The following KCNQ1OT1 variants were observed in gnomAD, a reference collection of about 807,000 sequenced individuals.
KCNQ1OT1 encodes KCNQ1 antisense RNA 2 (non-protein coding).
rs527909742 is a variant in KCNQ1OT1 at position 2,679,841 on chromosome 11, T to C, written n.20154A>G. 4.3e-5 allele frequency: 17 copies of C among 398,620 alleles called. No individual in the cohort carries two copies. The Admixed American group carries it at 5.7e-4, about 13-fold the overall frequency. The allele number at this position is 398,620 out of a possible 1,614,324, so 24.7% of individuals were successfully genotyped here. On this transcript the variant is annotated non_coding_transcript_exon_variant, in exon 1 of 1. Transcript: ENST00000597346. The surrounding 1 kb of genome is among the most constrained non-coding windows in gnomAD (Gnocchi z 4.8). ...AGACTGCTGCTACTTCTGAATTTTA[T>C]AGGACATGCATTTTTTTCATATAAA...
Position 2,671,416 on chromosome 11 carries a change from C to T in KCNQ1OT1, n.28579G>A. The T allele has an allele frequency of 2.5e-6, 1 of 398,618 alleles. No individual in the cohort carries two copies. Among genetic ancestry groups the T allele is most frequent in the Non-Finnish European group, 4.4e-6 (1 of 226,070 alleles). 24.7% of individuals were successfully genotyped at this position (398,618 alleles called of 1,614,324 possible). On this transcript the variant is annotated non_coding_transcript_exon_variant, in exon 1 of 1. Transcript: ENST00000597346. The surrounding 1 kb of genome is among the most constrained non-coding windows in gnomAD (Gnocchi z 4.7). ...CCTCTCCCAGGGTACTCTGGATGTGCACCCAGAGATTCTCCCACTTTAGCA... is the reference window on the plus strand; with the variant it reads ...CCTCTCCCAGGGTACTCTGGATGTGTACCCAGAGATTCTCCCACTTTAGCA...
exon 1 of KCNQ1OT1, chr11:2,660,658 CA>C (rs1370882394): frequency 2.5e-6 from 1 of 398,490 alleles, no homozygotes; most frequent in Non-Finnish European, 4.4e-6. Flanking sequence ...AGCAATGCCT[CA>C]GTTTTCATCC....
chr11:2,643,509 CTT>C (rs911843843), exon 1 of KCNQ1OT1: 3 of 398,316 alleles, frequency 7.5e-6, no homozygotes, highest in African/African-American at 6.2e-5. Flanking sequence ...CATGTAATAT[CTT>C]TTCCCATTCC....
At position 2,653,790 on chromosome 11, in the gene KCNQ1OT1, T is replaced by A; in HGVS notation, n.46205A>T. The A allele has an allele frequency of 2.5e-6, 1 of 398,646 alleles. No individual in the cohort carries two copies. Among genetic ancestry groups the A allele is most frequent in the Non-Finnish European group, 4.4e-6 (1 of 226,078 alleles). The allele number at this position is 398,646 out of a possible 1,614,324, so 24.7% of individuals were successfully genotyped here. A position where few individuals can be genotyped will look rare whatever the true frequency, so the allele number is the denominator to read the frequency against. On this transcript the variant is annotated non_coding_transcript_exon_variant, in exon 1 of 1. Transcript: ENST00000597346. The surrounding 1 kb of genome is among the most constrained non-coding windows in gnomAD (Gnocchi z 5.3). ...TACAAGCCATCCTTGGACCTGCAGCTGTACCTCCGATGGCTGAGGCAAGGT... is the reference window on the plus strand; with the variant it reads ...TACAAGCCATCCTTGGACCTGCAGCAGTACCTCCGATGGCTGAGGCAAGGT...
exon 1 of KCNQ1OT1, chr11:2,633,125 A>G (rs1054118743): frequency 3.0e-5 from 12 of 398,346 alleles, no homozygotes; most frequent in African/African-American, 2.5e-4. Context: ...AGGTGAAATA[A>G]TGTCTCACTG....
At chr11:2,680,206 TAAAAAA>T (rs139249507) in exon 1 of KCNQ1OT1, 5 of 362,324 alleles carry the variant, frequency 1.4e-5, no homozygotes, top group African/African-American at 4.9e-5. Flanking sequence ...CTTGCCTAAT[TAAAAAA>T]AAAAAAAAAA....
chr11:2,680,996 G>C, exon 1 of KCNQ1OT1: 1 of 398,478 alleles, frequency 2.5e-6, no homozygotes, highest in Non-Finnish European at 4.4e-6. Context: ...GGTGAAATAG[G>C]TATGTGTTCT....
exon 1 of KCNQ1OT1, chr11:2,689,997 A>G (rs1850562355): frequency 5.0e-6 from 2 of 398,690 alleles, no homozygotes; most frequent in Admixed American, 4.4e-5. Flanking sequence ...GCCCAAGCAG[A>G]GAACTGTTGA....
chr11:2,661,544 C>CT lies in KCNQ1OT1; in HGVS notation n.38450dup. 1 of 504,598 alleles carries CT rather than the reference C, an allele frequency of 2.0e-6. No individual in the cohort carries two copies. Among genetic ancestry groups the CT allele is most frequent in the Non-Finnish European group, 3.5e-6 (1 of 286,622 alleles). 31.3% of individuals were successfully genotyped at this position (504,598 alleles called of 1,614,324 possible). ...ACCCCATCTTTCCTGACCCACTACT[C>CT]TGTCAATGTATGAGTGTGACAATGT... On this transcript the variant is annotated non_coding_transcript_exon_variant, in exon 1 of 1. Transcript: ENST00000597346. The surrounding 1 kb of genome is among the most constrained non-coding windows in gnomAD (Gnocchi z 5.9).
chr11:2,612,220 G>T lies in KCNQ1OT1; in HGVS notation n.87775C>A. ...ACTGCCTGAGCTCTGCCTCCTGTCT[G>T]ATCAGTGATGGCATTAGATTCTCAC... On this transcript the variant is annotated non_coding_transcript_exon_variant, in exon 1 of 1. Coordinates refer to ENST00000597346, the Ensembl canonical transcript of KCNQ1OT1. This position sits in a 1 kb window ranked among gnomAD's most constrained non-coding sequence, Gnocchi z 5.5. 2.5e-6 allele frequency: 1 copy of T among 398,606 alleles called. No individual in the cohort carries two copies. Among genetic ancestry groups the T allele is most frequent in the South Asian group, 1.3e-4 (1 of 7,824 alleles). The allele number at this position is 398,606 out of a possible 1,614,324, so 24.7% of individuals were successfully genotyped here.
In KCNQ1OT1 at chr11:2,654,020, C is replaced by T. The variant is rs1849798020; in HGVS notation, n.45975G>A. 5.0e-6 allele frequency: 2 copies of T among 398,600 alleles called. No individual in the cohort carries two copies. The highest frequency in any genetic ancestry group is 1.3e-4 in the South Asian group (1 of 7,866). 24.7% of individuals were successfully genotyped at this position (398,600 alleles called of 1,614,324 possible). ...TGCCAGCTGTGAATATACATTTTCA[C>T]TCCATTCCTCGCCTTGTTCCTGGCA... On this transcript the variant is annotated non_coding_transcript_exon_variant, in exon 1 of 1. Coordinates refer to ENST00000597346, the Ensembl canonical transcript of KCNQ1OT1. This position sits in a 1 kb window ranked among gnomAD's most constrained non-coding sequence, Gnocchi z 6.4.
In KCNQ1OT1 at chr11:2,670,939, A is replaced by G. The variant is rs1850172157; in HGVS notation, n.29056T>C. 1.8e-5 allele frequency: 7 copies of G among 398,554 alleles called. No individual in the cohort carries two copies. Among genetic ancestry groups the G allele is most frequent in the Non-Finnish European group, 3.1e-5 (7 of 226,110 alleles). The allele number at this position is 398,554 out of a possible 1,614,324, so 24.7% of individuals were successfully genotyped here. On this transcript the variant is annotated non_coding_transcript_exon_variant, in exon 1 of 1. Coordinates refer to ENST00000597346, the Ensembl canonical transcript of KCNQ1OT1. This position sits in a 1 kb window ranked among gnomAD's most constrained non-coding sequence, Gnocchi z 4.9. ...TCCCAGGATGCAAATTGGCAGGCCCAGCTTCATGCCTTCTTATGGTGCCCC... is the reference window on the plus strand; with the variant it reads ...TCCCAGGATGCAAATTGGCAGGCCCGGCTTCATGCCTTCTTATGGTGCCCC...
Position 2,659,319 on chromosome 11 carries a change from T to C in KCNQ1OT1, n.40676A>G, listed in dbSNP as rs1196463173. Reference sequence around the variant, plus strand: ...TCTGTTTTATGTCCCTGTAGTTTTGTTTTTCTAGAATGTCCTATAAATGGG... The same window carrying C: ...TCTGTTTTATGTCCCTGTAGTTTTGCTTTTCTAGAATGTCCTATAAATGGG... On this transcript the variant is annotated non_coding_transcript_exon_variant, in exon 1 of 1. Transcript: ENST00000597346. This position sits in a 1 kb window ranked among gnomAD's most constrained non-coding sequence, Gnocchi z 4.3. 2.5e-6 allele frequency: 1 copy of C among 398,514 alleles called. No individual in the cohort carries two copies. The highest frequency in any genetic ancestry group is 4.4e-5 in the Admixed American group (1 of 22,720). 24.7% of individuals were successfully genotyped at this position (398,514 alleles called of 1,614,324 possible).
In KCNQ1OT1 at chr11:2,608,638, A is replaced by C. The variant is rs554441988; in HGVS notation, n.91357T>G. 1 of 398,526 alleles carries C rather than the reference A, an allele frequency of 2.5e-6. No homozygotes were observed. The highest frequency in any genetic ancestry group is 3.6e-5 in the East Asian group (1 of 28,068). 24.7% of individuals were successfully genotyped at this position (398,526 alleles called of 1,614,324 possible). Reference sequence around the variant, plus strand: ...CACAACACCAGCTGTTATTCAAAAAATATTTTGTAGAGATAGGGTCTTGCT... The same window carrying C: ...CACAACACCAGCTGTTATTCAAAAACTATTTTGTAGAGATAGGGTCTTGCT... On this transcript the variant is annotated non_coding_transcript_exon_variant, in exon 1 of 1. Transcript: ENST00000597346. The surrounding 1 kb of genome is among the most constrained non-coding windows in gnomAD (Gnocchi z 4.6).
exon 1 of KCNQ1OT1, chr11:2,615,390 T>A (rs1425210738): frequency 2.5e-6 from 1 of 397,954 alleles, no homozygotes; most frequent in African/African-American, 2.1e-5. Flanking sequence ...CATTTACCTG[T>A]TTGTTTATTT....
rs191925264 is a variant in KCNQ1OT1 at position 2,625,752 on chromosome 11, G to A, written n.74243C>T. 2.8e-5 allele frequency: 11 copies of A among 397,648 alleles called. No individual in the cohort carries two copies. In the Admixed American group the frequency reaches 4.8e-4, roughly 18 times the overall value. 24.6% of individuals were successfully genotyped at this position (397,648 alleles called of 1,614,324 possible). On this transcript the variant is annotated non_coding_transcript_exon_variant, in exon 1 of 1. Transcript: ENST00000597346. ...GCCTGGCTAATTTTTTGTATTTTTA[G>A]TAGAGACGGGGTTTCACCCTGTTAG...
rs1290991770 is a variant in KCNQ1OT1, at chr11:2,626,513, T to A, written n.73482A>T. 2 of 398,532 alleles carry A rather than the reference T, an allele frequency of 5.0e-6. No individual in the cohort carries two copies. Among genetic ancestry groups the A allele is most frequent in the African/African-American group, 4.1e-5 (2 of 48,620 alleles). The allele number at this position is 398,532 out of a possible 1,614,324, so 24.7% of individuals were successfully genotyped here. A position where few individuals can be genotyped will look rare whatever the true frequency, so the allele number is the denominator to read the frequency against. On this transcript the variant is annotated non_coding_transcript_exon_variant, in exon 1 of 1. Coordinates refer to ENST00000597346, the Ensembl canonical transcript of KCNQ1OT1. This position sits in a 1 kb window ranked among gnomAD's most constrained non-coding sequence, Gnocchi z 4.0. The stretch of plus-strand genomic sequence containing the variant: ...CAATACCACATAGTTTTGATTACTG[T>A]AGCTTCGTAATAAGTTGGGGTTTTT...
chr11:2,651,511 G>A lies in KCNQ1OT1; in HGVS notation n.48484C>T, dbSNP rs1157164504. 2.5e-5 allele frequency: 10 copies of A among 398,574 alleles called. No homozygotes were observed. Among genetic ancestry groups the A allele is most frequent in the East Asian group, 1.4e-4 (4 of 28,090 alleles). 24.7% of individuals were successfully genotyped at this position (398,574 alleles called of 1,614,324 possible). A position where few individuals can be genotyped will look rare whatever the true frequency, so the allele number is the denominator to read the frequency against. On this transcript the variant is annotated non_coding_transcript_exon_variant, in exon 1 of 1. Transcript: ENST00000597346. This position sits in a 1 kb window ranked among gnomAD's most constrained non-coding sequence, Gnocchi z 6.1. ...TTAAGAAGCTGTCAGTGTGAAGAAC[G>A]TGAATGCTAAGGGCATATGAGTGTG... is the stretch of plus-strand genomic sequence containing the variant.
At position 2,608,662 on chromosome 11, in the gene KCNQ1OT1, C is replaced by T; in HGVS notation, n.91333G>A. 3 of 398,482 alleles carry T rather than the reference C, an allele frequency of 7.5e-6. No homozygotes were observed. The highest frequency in any genetic ancestry group is 8.8e-6 in the Non-Finnish European group (2 of 226,052). 24.7% of individuals were successfully genotyped at this position (398,482 alleles called of 1,614,324 possible). A position where few individuals can be genotyped will look rare whatever the true frequency, so the allele number is the denominator to read the frequency against. On this transcript the variant is annotated non_coding_transcript_exon_variant, in exon 1 of 1. Coordinates refer to ENST00000597346, the Ensembl canonical transcript of KCNQ1OT1. This position sits in a 1 kb window ranked among gnomAD's most constrained non-coding sequence, Gnocchi z 4.6. ...AATATTTTGTAGAGATAGGGTCTTG[C>T]TTTGTTGTGCATGCTATTCTTGAAC...
Sources: allele counts gnomAD v4.1 joint callset, GRCh38; gene constraint gnomAD v4.1.1; non-coding constraint Gnocchi (gnomAD v3.1); transcripts MANE v1.5; gene names NCBI Gene and HGNC (gene_info 2026-07-23, HGNC 2026-07-21).